The following ITPKB variants were observed in gnomAD, a reference collection of about 807,000 sequenced individuals.
The protein encoded by ITPKB is inositol-trisphosphate 3-kinase B.
A neutral mutation model predicts 69.4 loss-of-function variants in ITPKB; 13 were observed. That is an observed-to-expected ratio of 0.19 (90% CI 0.12 to 0.30). ITPKB has a LOEUF of 0.30. Among genes scored for constraint, ITPKB ranks in the 10% least tolerant of loss-of-function variants. The probability of loss-of-function intolerance (pLI) is 1.00; values close to 1 mark genes in which losing one functional copy is unlikely to be tolerated. For missense variants in ITPKB, 1,240 were observed against 1,250.5 expected, an observed-to-expected ratio of 0.99 and a Z score of 0.13; for synonymous variants, 584 against 513.7, an observed-to-expected ratio of 1.14 and a Z score of -1.85.
intron 2 of ITPKB, among the ~76,000 whole-genome samples, chr1:226,733,357 C>T (rs146268869): frequency 6.6e-6 from 1 of 152,334 alleles, no homozygotes; most frequent in Non-Finnish European, 1.5e-5. Flanking sequence ...AGACTCACTC[C>T]ATCAAGATGT....
At chr1:226,718,290 CAA>C (rs60739828) in intron 2 of ITPKB, among the ~76,000 whole-genome samples, 35 of 96,530 alleles carry the variant, frequency 3.6e-4, no homozygotes, top group Non-Finnish European at 4.6e-4. Context: ...CAAGACTTCT[CAA>C]AAAAAAAAAA....
chr1:226,651,019 A>C (rs1669181179), intron 2 of ITPKB, among the ~76,000 whole-genome samples: 1 of 152,212 alleles, frequency 6.6e-6, no homozygotes, highest in Non-Finnish European at 1.5e-5. Flanking sequence ...AGGAGGAGGC[A>C]AATGAGCATG....
At chr1:226,729,036 C>T (rs1034021214) in intron 2 of ITPKB, among the ~76,000 whole-genome samples, 1 of 152,176 alleles carries the variant, frequency 6.6e-6, no homozygotes. Flanking sequence ...GCTTTAAAAG[C>T]ATGCACTGTG....
chr1:226,725,286 T>C (rs1053936310), intron 2 of ITPKB, among the ~76,000 whole-genome samples: 3 of 152,182 alleles, frequency 2.0e-5, no homozygotes, highest in African/African-American at 7.2e-5. Flanking sequence ...GACAAGGGTA[T>C]TAAATAAATG....
intron 2 of ITPKB, among the ~76,000 whole-genome samples, chr1:226,706,910 A>G (rs1465791800): frequency 6.6e-6 from 1 of 152,222 alleles, no homozygotes; most frequent in African/African-American, 2.4e-5. Context: ...GCTGGCTAGC[A>G]TCCAGGCATC....
rs528753360 is a variant in ITPKB at position 226,641,640 on chromosome 1, C to T, written c.2451+281G>A. On this transcript the variant is annotated intron_variant, in intron 5 of 7. Transcript: ENST00000429204. This position sits in a 1 kb window ranked among gnomAD's most constrained non-coding sequence, Gnocchi z 4.6. ...CCGCAGGTGCCTCTCGCCTGGCTTTCGGTGCCAGGCACCGTCTGGGCTAAA... is the reference window on the plus strand; with the variant it reads ...CCGCAGGTGCCTCTCGCCTGGCTTTTGGTGCCAGGCACCGTCTGGGCTAAA... 1.3e-4 allele frequency among the ~76,000 whole-genome samples: 20 copies of T among 152,334 alleles called. No individual in the cohort carries two copies. Among genetic ancestry groups the T allele is most frequent in the African/African-American group, 4.3e-4 (18 of 41,568 alleles).
rs766513710 is a variant in ITPKB, at chr1:226,736,516, G to C, written c.943C>G (p.Pro315Ala). ...AGGGCAAGATCCTGTGGACGGTGTG[G>C]CCCAGTGGATGTAACTCTCGCTGCC... ...EVAARVTSTG[P>A]HRPQDLALTE... The change falls in exon 2 of 8, where the codon CCA becomes GCA. Residue 315 changes from proline to alanine, a missense_variant. By Grantham distance (27) the Pro-to-Ala change is conservative. Coordinates refer to ENST00000429204, the MANE Select transcript of ITPKB (RefSeq NM_002221.4). The C allele has an allele frequency of 1.2e-6, 2 of 1,613,864 alleles. No homozygotes were observed. The highest frequency in any genetic ancestry group is 1.7e-6 in the Non-Finnish European group (2 of 1,180,048).
At chr1:226,702,013 G>A (rs1656680044) in intron 2 of ITPKB, among the ~76,000 whole-genome samples, 1 of 152,156 alleles carries the variant, frequency 6.6e-6, no homozygotes, top group Non-Finnish European at 1.5e-5. Flanking sequence ...GGAAATGCTT[G>A]CCTAAGACCA....
intron 2 of ITPKB, among the ~76,000 whole-genome samples, chr1:226,673,922 A>G (rs1169298710): frequency 6.6e-6 from 1 of 152,208 alleles, no homozygotes; most frequent in African/African-American, 2.4e-5. Context: ...ATTTAATAAC[A>G]CAAACACACA....
chr1:226,648,849 G>A, intron 2 of ITPKB, 78 bp from the exon 3 acceptor site: 4 of 991,574 alleles, frequency 4.0e-6, no homozygotes, highest in South Asian at 2.6e-5. Flanking sequence ...CAAAGCAAAG[G>A]CCCTCATTGC....
In ITPKB at chr1:226,656,240, C is replaced by T. The variant is rs566997832; in HGVS notation, c.1933-7469G>A. On this transcript the variant is annotated intron_variant, in intron 2 of 7. Transcript: ENST00000429204. Reference sequence around the variant, plus strand: ...AGGGACCTTGGTTTACCCTGGTGGGCGCTCAGAGACCCCCAGCAGGTTTCC... The same window carrying T: ...AGGGACCTTGGTTTACCCTGGTGGGTGCTCAGAGACCCCCAGCAGGTTTCC... Among the ~76,000 whole-genome samples, 8 of 152,292 alleles carry T rather than the reference C, an allele frequency of 5.3e-5. No individual in the cohort carries two copies. The South Asian group carries it at 1.2e-3, about 24-fold the overall frequency.
In ITPKB at chr1:226,735,691, G is replaced by A. The variant is rs548041016; in HGVS notation, c.1768C>T (p.Arg590Trp). 117 of 1,601,340 alleles carry A rather than the reference G, an allele frequency of 7.3e-5. No homozygotes were observed. In the East Asian group the frequency reaches 8.3e-4, roughly 11 times the overall value. Residue 590 changes from arginine to tryptophan, a missense_variant, in exon 2 of 8, where the codon CGG becomes TGG. Arg to Trp is a moderately radical substitution (Grantham distance 101, BLOSUM62 -3). This residue lies in a region of ITPKB where 992 missense variants were observed against 853.8 expected (regional missense o/e 1.16). Coordinates refer to ENST00000429204, the MANE Select transcript of ITPKB (RefSeq NM_002221.4). The stretch of plus-strand genomic sequence containing the variant: ...AGTTTCCTCAGGGGCAGGTTGCCCC[G>A]AGGGCTTCCCTGCGTCTCCTCCAAG... ...GALEETQGSP[R>W]GNLPLRKLSS...
intron 2 of ITPKB, among the ~76,000 whole-genome samples, chr1:226,711,614 G>A (rs1420328811): frequency 6.6e-6 from 1 of 152,112 alleles, no homozygotes; most frequent in Non-Finnish European, 1.5e-5. Context: ...ACTACCCAGG[G>A]AAATTGCAAG....
chr1:226,649,414 TA>T (rs1571839276), intron 2 of ITPKB, among the ~76,000 whole-genome samples: 1 of 129,828 alleles, frequency 7.7e-6, no homozygotes, highest in East Asian at 2.3e-4. Flanking sequence ...GCATGTGTGA[TA>T]TGTGCATGAG....
At chr1:226,640,069 C>G (rs997122985) in intron 5 of ITPKB, among the ~76,000 whole-genome samples, 4 of 152,190 alleles carry the variant, frequency 2.6e-5, no homozygotes, top group Admixed American at 2.0e-4. Context: ...GGTCCCTGCC[C>G]GCCAGAGGCA....
At chr1:226,666,798 C>T (rs553245806) in intron 2 of ITPKB, among the ~76,000 whole-genome samples, 1 of 152,290 alleles carries the variant, frequency 6.6e-6, no homozygotes, top group East Asian at 1.9e-4. Context: ...ATGCCAATTT[C>T]ATCATGTCCC....
chr1:226,694,207 G>A (rs896862696), intron 2 of ITPKB, among the ~76,000 whole-genome samples: 1 of 152,200 alleles, frequency 6.6e-6, no homozygotes, highest in South Asian at 2.1e-4. Flanking sequence ...CAGGAAGAAT[G>A]CCATAAAGAA....
intron 2 of ITPKB, among the ~76,000 whole-genome samples, chr1:226,726,815 A>G (rs1657434271): frequency 2.0e-5 from 3 of 152,184 alleles, no homozygotes; most frequent in African/African-American, 7.2e-5. Flanking sequence ...GTAGTTTGTC[A>G]AACAGTGACC....
At chr1:226,643,024 C>T (rs1571835822) in intron 4 of ITPKB, among the ~76,000 whole-genome samples, 1 of 152,284 alleles carries the variant, frequency 6.6e-6, no homozygotes. Context: ...GCCTGGTGCA[C>T]CCCACCCCAT....
Sources: gnomAD v4.1 joint callset for allele counts (sites outside exome capture counted in the v4.1 genomes callset) on GRCh38, gnomAD v4.1.1 for gene constraint, gnomAD v4.1.1 regional missense constraint, Gnocchi (gnomAD v3.1) non-coding constraint, MANE v1.5 for transcripts, NCBI Gene and HGNC (gene_info 2026-07-23, HGNC 2026-07-21) for gene names.